The following LSMEM2 variants were observed in gnomAD, a reference collection of about 807,000 sequenced individuals.
The protein encoded by LSMEM2 is leucine-rich single-pass membrane protein 2.
In LSMEM2, 20 loss-of-function variants were observed where a neutral mutation model predicts 17.3. The ratio of observed to expected loss-of-function variants is 1.16; its 90% CI spans 0.81 to 1.68. The LOEUF is 1.68. Among genes scored for constraint, LSMEM2 ranks in the 40% most tolerant of loss-of-function variants. The pLI, the probability that LSMEM2 is intolerant of heterozygous loss-of-function variation, is 0.00. For missense variants in LSMEM2, 207 were observed against 214.3 expected (o/e 0.97, Z 0.21); for synonymous variants, 94 against 97.8 (o/e 0.96, Z 0.23).
rs1553708553 is a variant in LSMEM2, at chr3:50,286,689, C to T, written c.188C>T (p.Pro63Leu). 2.2e-5 allele frequency: 36 copies of T among 1,613,892 alleles called. 1 individual carries two copies. The South Asian group carries it at 3.6e-4, about 16-fold the overall frequency. ...ATCCACCCAGCAGGCACACTGCGCC[C>T]CTATCTAACTGAAGAGGCACGACCG... ...DLHSGAGTLR[P>L]YLTEEARPWD... is the part of the protein sequence containing the mutation. Residue 63 changes from proline to leucine, a missense_variant, in exon 3 of 4, where the codon CCC (proline) becomes CTC (leucine). Pro to Leu is a moderately conservative substitution (Grantham distance 98). Coordinates refer to ENST00000316436, the MANE Select transcript of LSMEM2 (RefSeq NM_153215.3).
At chr3:50,282,894 GA>G (rs2109263815) in intron 1 of LSMEM2, among the ~76,000 whole-genome samples, 1 of 147,826 alleles carries the variant, frequency 6.8e-6, no homozygotes, top group Admixed American at 6.7e-5. Flanking sequence ...AAAAAAAACA[GA>G]CAAACAAAAG....
At position 50,286,515 on chromosome 3, in the gene LSMEM2, T is replaced by C. The variant is rs587682356; in HGVS notation, c.103T>C (p.Leu35=). The change falls in exon 2 of 4, where the codon TTG becomes CTG. Residue 35 remains leucine, a synonymous_variant. Coordinates refer to ENST00000316436, the MANE Select transcript of LSMEM2 (RefSeq NM_153215.3). ...MMPSQRSRGP[L]APNHVHEVCL... ...GCCCAGCCAGAGGAGCAGGGGGCCATTGGCCCCCAACCACGTGCATGAGGT... is the reference window on the plus strand; with the variant it reads ...GCCCAGCCAGAGGAGCAGGGGGCCACTGGCCCCCAACCACGTGCATGAGGT... 8.1e-6 allele frequency: 13 copies of C among 1,611,406 alleles called. No homozygotes were observed. Among genetic ancestry groups the C allele is most frequent in the South Asian group, 6.6e-5 (6 of 90,602 alleles).
rs1448494929 is a variant in LSMEM2 at position 50,287,303 on chromosome 3, C to CTAT, written c.*103_*105dup. The stretch of plus-strand genomic sequence containing the variant: ...CCTACTGCTGGCTGCCACATCTACA[C>CTAT]TATTTCCTTGGTGAGATTTTTGTAC... On this transcript the variant is annotated 3_prime_UTR_variant, in exon 4 of 4. Coordinates refer to ENST00000316436, the MANE Select transcript of LSMEM2 (RefSeq NM_153215.3). 17 of 1,467,124 alleles carry CTAT rather than the reference C, an allele frequency of 1.2e-5. No homozygotes were observed. In the African/African-American group the frequency reaches 1.3e-4, roughly 11 times the overall value. 90.9% of individuals were successfully genotyped at this position (1,467,124 alleles called of 1,614,324 possible).
chr3:50,284,433 C>G (rs782232110), intron 1 of LSMEM2, among the ~76,000 whole-genome samples: 1 of 151,170 alleles, frequency 6.6e-6, no homozygotes, highest in South Asian at 2.1e-4. Context: ...TTGGTAATAG[C>G]TTTAAAAAAA....
rs587667301 is a variant in LSMEM2, at chr3:50,286,732, C to T, written c.231C>T (p.Gly77=). 22 of 1,614,216 alleles carry T rather than the reference C, an allele frequency of 1.4e-5. No individual in the cohort carries two copies. The African/African-American group carries it at 1.5e-4, about 11-fold the overall frequency. ...EEARPWDELL[G]VLPPSLCAQA... The stretch of plus-strand genomic sequence containing the variant: ...CACGACCGTGGGATGAGCTGCTGGG[C>T]GTTTTGCCGCCGTCACTGTGTGCCC... Residue 77 remains glycine, a synonymous_variant, in exon 3 of 4, where the codon GGC becomes GGT. Coordinates refer to ENST00000316436, the MANE Select transcript of LSMEM2 (RefSeq NM_153215.3).
rs1270240930 is a variant in LSMEM2, at chr3:50,287,986, G to C, written c.*784G>C. ...TTTAGCCTGGCCTGAGACAGGACAG[G>C]AAGGGGCCACAGGGCTGAGTGCAGG... On this transcript the variant is annotated 3_prime_UTR_variant, in exon 4 of 4. Transcript: ENST00000316436. 1.7e-6 allele frequency: 1 copy of C among 585,010 alleles called. No homozygotes were observed. The highest frequency in any genetic ancestry group is 3.1e-6 in the Non-Finnish European group (1 of 324,878). 36.2% of individuals were successfully genotyped at this position (585,010 alleles called of 1,614,324 possible).
At chr3:50,279,267 C>T in intron 1 of LSMEM2, 96 bp downstream of exon 1, 1 of 1,149,842 alleles carries the variant, frequency 8.7e-7, no homozygotes, top group Non-Finnish European at 1.3e-6. Context: ...ACCTCACTGT[C>T]TTGAGTAGTT....
At position 50,287,400 on chromosome 3, in the gene LSMEM2, G is replaced by A. The variant is rs1387961098; in HGVS notation, c.*198G>A. 3 of 751,240 alleles carry A rather than the reference G, an allele frequency of 4.0e-6. No homozygotes were observed. Among genetic ancestry groups the A allele is most frequent in the African/African-American group, 1.8e-5 (1 of 56,616 alleles). The allele number at this position is 751,240 out of a possible 1,614,324, so 46.5% of individuals were successfully genotyped here. A position where few individuals can be genotyped will look rare whatever the true frequency, so the allele number is the denominator to read the frequency against. Reference sequence around the variant, plus strand: ...TCAAGCCAGGCCTAGCCAAGCCTCTGGTGCCAAAGCCTCGCTTTGGGTGGC... The same window carrying A: ...TCAAGCCAGGCCTAGCCAAGCCTCTAGTGCCAAAGCCTCGCTTTGGGTGGC... On this transcript the variant is annotated 3_prime_UTR_variant, in exon 4 of 4. Coordinates refer to ENST00000316436, the MANE Select transcript of LSMEM2 (RefSeq NM_153215.3).
rs782706499 is a variant in LSMEM2 at position 50,279,131 on chromosome 3, C to T, written c.18C>T (p.Pro6=). ...GCTACTGGATGCCATCATTGGCCCC[C>T]GACTGCCCACTGCTTGCCATGCCTG... MPSLA[P]DCPLLAMPEE... The change falls in exon 1 of 4, where the codon CCC becomes CCT. Residue 6 remains proline (P), a synonymous_variant. Transcript: ENST00000316436. 1.9e-5 allele frequency: 31 copies of T among 1,614,056 alleles called. No individual in the cohort carries two copies. Among genetic ancestry groups the T allele is most frequent in the East Asian group, 6.7e-5 (3 of 44,888 alleles).
chr3:50,286,425 G>T, intron 1 of LSMEM2, 46 bp from the exon 2 acceptor site: 2 of 1,539,618 alleles, frequency 1.3e-6, no homozygotes, highest in East Asian at 2.4e-5. Flanking sequence ...TAGAAGGAAG[G>T]GGGTTGACCC....
chr3:50,279,230 T>G, intron 1 of LSMEM2, 59 bp downstream of exon 1: 11 of 1,497,094 alleles, frequency 7.3e-6, no homozygotes, highest in Middle Eastern at 1.7e-4. Context: ...TTGTGGACCA[T>G]GGAGAGACCC....
rs150034191 is a variant in LSMEM2, at chr3:50,287,106, G to A, written c.399G>A (p.Thr133=). The A allele has an allele frequency of 1.6e-4, 255 of 1,614,132 alleles. No homozygotes were observed. The highest frequency in any genetic ancestry group is 2.0e-4 in the Non-Finnish European group (239 of 1,180,030). ...AATCCCTGCGCATCCTGGCACACAC[G>A]CTCCGCACGCAGGAGGAGACACTAC... ...QSESLRILAH[T]LRTQEETLLK... Residue 133 remains threonine, a synonymous_variant, in exon 4 of 4, where the codon ACG becomes ACA. Coordinates refer to ENST00000316436, the MANE Select transcript of LSMEM2 (RefSeq NM_153215.3).
intron 1 of LSMEM2, among the ~76,000 whole-genome samples, chr3:50,285,172 A>C (rs1701485471): frequency 6.6e-6 from 1 of 152,050 alleles, no homozygotes; most frequent in East Asian, 1.9e-4. Context: ...TCTCCACTAA[A>C]AATATAAAAA....
chr3:50,281,632 G>A (rs1701400627), intron 1 of LSMEM2, among the ~76,000 whole-genome samples: 1 of 151,446 alleles, frequency 6.6e-6, no homozygotes. Flanking sequence ...CAAAGTGCTG[G>A]GATTATAGGT....
At chr3:50,278,665 T>C (rs587725807), upstream of LSMEM2, among the ~76,000 whole-genome samples, 58 of 152,308 alleles carry the variant, frequency 3.8e-4, 1 homozygote, top group Admixed American at 1.4e-3. Context: ...CACACAACAA[T>C]AGCATTGTGT....
At chr3:50,286,416 A>G (rs1701527474) in intron 1 of LSMEM2, 55 bp from the exon 2 acceptor site, 1 of 1,523,574 alleles carries the variant, frequency 6.6e-7, no homozygotes. Flanking sequence ...GCCACCTGGT[A>G]GAAGGAAGGG....
At chr3:50,286,426 G>A (rs1553708425) in intron 1 of LSMEM2, 45 bp from the exon 2 acceptor site, 1 of 1,544,260 alleles carries the variant, frequency 6.5e-7, no homozygotes, top group Admixed American at 2.0e-5. Context: ...AGAAGGAAGG[G>A]GGTTGACCCA....
At chr3:50,281,742 G>C (rs1701404791) in intron 1 of LSMEM2, among the ~76,000 whole-genome samples, 1 of 139,404 alleles carries the variant, frequency 7.2e-6, no homozygotes, top group Non-Finnish European at 1.5e-5. Flanking sequence ...ACAATGGCAT[G>C]ATCACAGCTC....
chr3:50,286,279 A>G (rs1252325166), intron 1 of LSMEM2, 192 bp from the exon 2 acceptor site: 2 of 369,270 alleles, frequency 5.4e-6, no homozygotes, highest in East Asian at 3.3e-4. Context: ...TCCTGTATAC[A>G]GAATAAGCCT....
Sources: gnomAD v4.1 joint callset for allele counts (sites outside exome capture counted in the v4.1 genomes callset) on GRCh38, gnomAD v4.1.1 for gene constraint, MANE v1.5 for transcripts, NCBI Gene and HGNC (gene_info 2026-07-23, HGNC 2026-07-21) for gene names.